FGD6: variants seen among roughly 807,000 people sequenced by gnomAD.
The protein encoded by FGD6 is FYVE, RhoGEF and PH domain containing 6, also known as FYVE, RhoGEF and PH domain-containing protein 6.
A neutral mutation model predicts 149.4 loss-of-function variants in FGD6; 90 were observed. The observed-to-expected ratio is 0.60, with a 90% CI of 0.51 to 0.72. The LOEUF is 0.72. Among genes scored for constraint, FGD6 ranks in the 30% least tolerant of loss-of-function variants. FGD6 has a pLI of 0.00. For synonymous variants in FGD6, 527 were observed against 584.0 expected (o/e 0.90, Z 1.41); for missense variants, 1,437 against 1,684.8 (o/e 0.85, Z 2.57).
rs141971696 is a variant in FGD6 at position 95,169,615 on chromosome 12, T to C, written c.2586+2985A>G. On this transcript the variant is annotated intron_variant, in intron 3 of 20. Transcript: ENST00000343958. ...ACACTGCTGGGTTAAAGATTAATCCTTCCTTTATACGATGTATCAGTGAGA... is the reference window on the plus strand; with the variant it reads ...ACACTGCTGGGTTAAAGATTAATCCCTCCTTTATACGATGTATCAGTGAGA... Among the ~76,000 whole-genome samples the C allele has an allele frequency of 3.9e-3, 589 of 152,276 alleles. 1 individual carries two copies. Among genetic ancestry groups the C allele is most frequent in the African/African-American group, 0.014 (561 of 41,548 alleles).
chr12:95,175,219 G>A (rs1345241777), intron 2 of FGD6, among the ~76,000 whole-genome samples: 1 of 152,144 alleles, frequency 6.6e-6, no homozygotes, highest in Admixed American at 6.6e-5. Flanking sequence ...GCACTTGGTG[G>A]TAGACTTGTT....
chr12:95,160,736 C>A (rs750681581), intron 3 of FGD6, among the ~76,000 whole-genome samples: 1 of 152,146 alleles, frequency 6.6e-6, no homozygotes, highest in Non-Finnish European at 1.5e-5. Context: ...TCTTCTTTTC[C>A]TTTAAAAAAC....
intron 3 of FGD6, among the ~76,000 whole-genome samples, chr12:95,163,696 AGAGTAGGAGGTTG>A (rs1052012867): frequency 6.6e-6 from 1 of 152,238 alleles, no homozygotes; most frequent in Non-Finnish European, 1.5e-5. Context: ...ATCACATAAA[AGAGTAGGAGGTTG>A]GACTAAATGA....
chr12:95,175,267 T>C (rs546169059), intron 2 of FGD6, among the ~76,000 whole-genome samples: 1 of 152,202 alleles, frequency 6.6e-6, no homozygotes, highest in African/African-American at 2.4e-5. Context: ...GACAAGGAAA[T>C]TGAAATTGTG....
chr12:95,188,349 GGA>G (rs1182398424), intron 2 of FGD6, among the ~76,000 whole-genome samples: 1 of 151,896 alleles, frequency 6.6e-6, no homozygotes, highest in Non-Finnish European at 1.5e-5. Flanking sequence ...GCAAGGTAAA[GGA>G]GAGAAATAAG....
At chr12:95,205,275 A>G (rs946241540) in intron 2 of FGD6, among the ~76,000 whole-genome samples, 6 of 152,014 alleles carry the variant, frequency 3.9e-5, no homozygotes, top group African/African-American at 7.3e-5. Flanking sequence ...CTCAAAAAAA[A>G]AAAAAGTAAA....
chr12:95,079,678 A>G lies in FGD6; in HGVS notation c.*1842T>C, dbSNP rs1655087224. 6.6e-6 allele frequency: 1 copy of G among 152,046 alleles called. No individual in the cohort carries two copies. Among genetic ancestry groups the G allele is most frequent in the African/African-American group, 2.4e-5 (1 of 41,308 alleles). 9.4% of individuals were successfully genotyped at this position (152,046 alleles called of 1,614,324 possible). A position where few individuals can be genotyped will look rare whatever the true frequency, so the allele number is the denominator to read the frequency against. On this transcript the variant is annotated 3_prime_UTR_variant, in exon 21 of 21. Coordinates refer to ENST00000343958, the MANE Select transcript of FGD6 (RefSeq NM_018351.4). ...AATTTTAGTGTACCTGCTATGACAG[A>G]AAGGGGATGGCATGTTAGGATTGTG...
At chr12:95,162,535 G>T (rs1175903722) in intron 3 of FGD6, among the ~76,000 whole-genome samples, 1 of 151,962 alleles carries the variant, frequency 6.6e-6, no homozygotes, top group Non-Finnish European at 1.5e-5. Context: ...TCTAAAAATT[G>T]AATGAATAAA....
intron 18 of FGD6, among the ~76,000 whole-genome samples, chr12:95,089,286 A>C (rs1339545446): frequency 1.3e-5 from 2 of 152,250 alleles, no homozygotes; most frequent in African/African-American, 4.8e-5. Flanking sequence ...GATCTTGCTC[A>C]AAGTCATTTT....
At chr12:95,184,581 GT>G (rs35725583) in intron 2 of FGD6, among the ~76,000 whole-genome samples, 111,485 of 132,040 alleles carry the variant, frequency 0.84, 47,045 homozygotes, top group African/African-American at 0.91. Flanking sequence ...CTTCCTGCAC[GT>G]TTTTTTTTTT....
At chr12:95,101,343 A>C (rs1338994840) in intron 14 of FGD6, among the ~76,000 whole-genome samples, 2 of 152,152 alleles carry the variant, frequency 1.3e-5, no homozygotes, top group South Asian at 4.1e-4. Context: ...ACTCTGTCAC[A>C]AAAAAGAAAA....
chr12:95,101,885 G>A (rs1034047798), intron 14 of FGD6, among the ~76,000 whole-genome samples: 3 of 151,632 alleles, frequency 2.0e-5, no homozygotes, highest in Non-Finnish European at 1.5e-5. Flanking sequence ...GTTTCCCCAC[G>A]TTGGCCAGGA....
intron 5 of FGD6, among the ~76,000 whole-genome samples, chr12:95,142,329 G>A (rs981105293): frequency 2.0e-5 from 3 of 151,968 alleles, no homozygotes; most frequent in African/African-American, 7.3e-5. Flanking sequence ...GTTTTTAGTA[G>A]AGACGGCGTT....
intron 2 of FGD6, among the ~76,000 whole-genome samples, chr12:95,199,704 A>G (rs1881821379): frequency 6.8e-6 from 1 of 147,740 alleles, no homozygotes; most frequent in Admixed American, 6.9e-5. Flanking sequence ...TCCCATGTTC[A>G]AGCAATTCTC....
At chr12:95,127,264 G>T (rs1017435846) in intron 8 of FGD6, among the ~76,000 whole-genome samples, 1 of 152,056 alleles carries the variant, frequency 6.6e-6, no homozygotes, top group Non-Finnish European at 1.5e-5. Context: ...ATCTATTAGC[G>T]GCTGGGCGTG....
chr12:95,126,608 G>A (rs1372156566), intron 8 of FGD6, among the ~76,000 whole-genome samples: 1 of 151,752 alleles, frequency 6.6e-6, no homozygotes, highest in Non-Finnish European at 1.5e-5. Context: ...GTGCATGCCT[G>A]TAATCCCAGC....
chr12:95,133,973 C>A (rs1879595155), intron 8 of FGD6, among the ~76,000 whole-genome samples: 1 of 152,010 alleles, frequency 6.6e-6, no homozygotes, highest in Non-Finnish European at 1.5e-5. Context: ...TTCTTTCCTT[C>A]TTTTTTCCTT....
At chr12:95,170,532 C>A (rs7132714) in intron 3 of FGD6, among the ~76,000 whole-genome samples, 43,879 of 151,984 alleles carry the variant, frequency 0.29, 6,733 homozygotes, top group East Asian at 0.39. Context: ...ATTCCAGCTC[C>A]TCAGGAGGCT....
At chr12:95,086,311 C>A (rs922070301) in intron 18 of FGD6, among the ~76,000 whole-genome samples, 8 of 151,808 alleles carry the variant, frequency 5.3e-5, no homozygotes, top group Admixed American at 3.9e-4. Context: ...ATTATTTGAA[C>A]CTTTAATTCT....
Sources: allele counts gnomAD v4.1 joint callset (sites outside exome capture counted in the v4.1 genomes callset), GRCh38; gene constraint gnomAD v4.1.1; transcripts MANE v1.5; gene names NCBI Gene and HGNC (gene_info 2026-07-23, HGNC 2026-07-21).